MEGF11: variants seen among roughly 807,000 people sequenced by gnomAD.
MEGF11 encodes the protein multiple EGF like domains 11.
A neutral mutation model predicts 146.6 loss-of-function variants in MEGF11; 126 were observed. The ratio of observed to expected loss-of-function variants is 0.86; its 90% CI spans 0.74 to 1.00. The LOEUF (loss-of-function observed/expected upper bound fraction) is 1.00. MEGF11 is among the 50% of genes least tolerant of loss of function. The probability of loss-of-function intolerance (pLI) is 0.00; values close to 1 mark genes in which losing one functional copy is unlikely to be tolerated. For missense variants in MEGF11, 1,509 were observed against 1,521.2 expected (o/e 0.99, Z 0.13); for synonymous variants, 532 against 583.4 (o/e 0.91, Z 1.27).
chr15:66,021,138 G>A (rs1326735747), intron 5 of MEGF11, among the ~76,000 whole-genome samples: 1 of 152,142 alleles, frequency 6.6e-6, no homozygotes, highest in East Asian at 1.9e-4. Flanking sequence ...TTGGGGAGGT[G>A]ATGCAGGGGC....
Position 66,102,680 on chromosome 15 carries a change from C to G in MEGF11, c.302-8186G>C, listed in dbSNP as rs528910372. On this transcript the variant is annotated intron_variant, in intron 4 of 25. Coordinates refer to ENST00000395614, the MANE Select transcript of MEGF11 (RefSeq NM_001385028.1). The stretch of plus-strand genomic sequence containing the variant: ...CTGGCCTCAAACTCCTGGCCTCAAG[C>G]GATCCTCCTACCTCAGCCTTCCAAA... Among the ~76,000 whole-genome samples the G allele has an allele frequency of 2.6e-5, 4 of 152,238 alleles. No individual in the cohort carries two copies. The South Asian group carries it at 8.3e-4, about 32-fold the overall frequency.
At chr15:66,112,830 CA>C (rs1276054188) in intron 4 of MEGF11, among the ~76,000 whole-genome samples, 1 of 152,066 alleles carries the variant, frequency 6.6e-6, no homozygotes, top group African/African-American at 2.4e-5. Flanking sequence ...CATTCAAGAG[CA>C]AAGGCAAAAT....
At chr15:66,144,115 G>A (rs183799575) in intron 1 of MEGF11, among the ~76,000 whole-genome samples, 74 of 152,278 alleles carry the variant, frequency 4.9e-4, no homozygotes, top group Admixed American at 8.5e-4. Flanking sequence ...CAGCACACAC[G>A]GACACTAAGC....
intron 1 of MEGF11, among the ~76,000 whole-genome samples, chr15:66,141,574 A>AT (rs1463622738): frequency 6.6e-6 from 1 of 151,758 alleles, no homozygotes; most frequent in Admixed American, 6.6e-5. Flanking sequence ...TTAATGGACA[A>AT]TTTTCTCAGT....
In MEGF11 at chr15:65,930,928, C is replaced by T. The variant is rs141697214; in HGVS notation, c.1303G>A (p.Val435Ile). The change falls in exon 11 of 26, where the codon GTT (valine) becomes ATT (isoleucine). Residue 435 changes from valine to isoleucine, a missense_variant. Transcript: ENST00000395614. ...CCATAGGTCCCTGCTGCACAGGAAA[C>T]GGCACAGACCTCTCCCTGGAAAGGG... is the stretch of plus-strand genomic sequence containing the variant. ...APGFMGEVCA[V>I]SCAAGTYGPN... 1.2e-4 allele frequency: 187 copies of T among 1,594,640 alleles called. No individual in the cohort carries two copies. The highest frequency in any genetic ancestry group is 4.6e-4 in the African/African-American group (34 of 74,524).
At chr15:65,949,235 G>A (rs900949958) in intron 10 of MEGF11, among the ~76,000 whole-genome samples, 4 of 152,178 alleles carry the variant, frequency 2.6e-5, no homozygotes, top group Non-Finnish European at 4.4e-5. Context: ...CCGGGGGAGC[G>A]TAACGTCTTT....
chr15:66,125,710 G>A (rs1347620047), intron 2 of MEGF11, among the ~76,000 whole-genome samples: 2 of 152,226 alleles, frequency 1.3e-5, no homozygotes, highest in African/African-American at 4.8e-5. Flanking sequence ...ATGTTGACAG[G>A]CAATGATTCA....
chr15:65,991,143 C>T (rs1212462597), intron 5 of MEGF11, among the ~76,000 whole-genome samples: 1 of 152,166 alleles, frequency 6.6e-6, no homozygotes, highest in Non-Finnish European at 1.5e-5. Context: ...CCTTAAACCT[C>T]CAAGGGGAGG....
chr15:66,207,402 C>T (rs1213000314), intron 1 of MEGF11, among the ~76,000 whole-genome samples: 1 of 152,190 alleles, frequency 6.6e-6, no homozygotes, highest in African/African-American at 2.4e-5. Context: ...AGATGTATGT[C>T]TTCAAAATGT....
At chr15:66,034,837 G>T (rs2083667086) in intron 5 of MEGF11, among the ~76,000 whole-genome samples, 1 of 146,314 alleles carries the variant, frequency 6.8e-6, no homozygotes, top group African/African-American at 2.8e-5. Flanking sequence ...ATTAATGAGG[G>T]CTCTGCCCTC....
intron 1 of MEGF11, among the ~76,000 whole-genome samples, chr15:66,198,947 T>C (rs939417478): frequency 1.3e-5 from 2 of 152,126 alleles, no homozygotes; most frequent in Admixed American, 1.3e-4. Flanking sequence ...TGTAAAAAAG[T>C]TAAATAATCA....
At chr15:66,002,659 G>C (rs767149432) in intron 5 of MEGF11, among the ~76,000 whole-genome samples, 3 of 152,222 alleles carry the variant, frequency 2.0e-5, no homozygotes, top group Non-Finnish European at 4.4e-5. Flanking sequence ...GGTAGTTGCA[G>C]TAATTGAATG....
At chr15:65,933,736 G>C (rs1000883501) in intron 10 of MEGF11, among the ~76,000 whole-genome samples, 1 of 152,172 alleles carries the variant, frequency 6.6e-6, no homozygotes, top group African/African-American at 2.4e-5. Flanking sequence ...AAGGCAGCAG[G>C]GGTGAGGGAT....
At chr15:66,249,422 C>G (rs917115252) in intron 1 of MEGF11, among the ~76,000 whole-genome samples, 1 of 152,194 alleles carries the variant, frequency 6.6e-6, no homozygotes, top group African/African-American at 2.4e-5. Flanking sequence ...TCAATTATAA[C>G]ACTGCTATAA....
At chr15:66,224,426 AC>A (rs1327599169) in intron 1 of MEGF11, among the ~76,000 whole-genome samples, 1 of 151,752 alleles carries the variant, frequency 6.6e-6, no homozygotes, top group African/African-American at 2.4e-5. Context: ...AAACAAAGAA[AC>A]AAAAAAACTA....
At chr15:66,070,585 T>C (rs1395190342) in intron 5 of MEGF11, among the ~76,000 whole-genome samples, 2 of 152,244 alleles carry the variant, frequency 1.3e-5, no homozygotes, top group African/African-American at 4.8e-5. Context: ...GGGGTATCTT[T>C]GTAAAACCCA....
At chr15:66,142,664 C>T (rs894002691) in intron 1 of MEGF11, among the ~76,000 whole-genome samples, 48 of 152,186 alleles carry the variant, frequency 3.2e-4, no homozygotes, top group African/African-American at 1.1e-3. Context: ...CTGAGCTGAG[C>T]CCCCAGCCAA....
At chr15:66,164,702 A>G (rs1305223156) in intron 1 of MEGF11, among the ~76,000 whole-genome samples, 1 of 152,182 alleles carries the variant, frequency 6.6e-6, no homozygotes, top group Non-Finnish European at 1.5e-5. Context: ...AAAAATTACC[A>G]TGCTACCTTT....
intron 10 of MEGF11, among the ~76,000 whole-genome samples, chr15:65,933,778 C>G (rs1210718489): frequency 6.6e-6 from 1 of 152,180 alleles, no homozygotes; most frequent in Non-Finnish European, 1.5e-5. Flanking sequence ...ATCCTGCTTC[C>G]ACAGCTTATT....
Sources: allele counts gnomAD v4.1 joint callset (sites outside exome capture counted in the v4.1 genomes callset), GRCh38; gene constraint gnomAD v4.1.1; transcripts MANE v1.5; gene names NCBI Gene and HGNC (gene_info 2026-07-23, HGNC 2026-07-21).